Variants in KMT2C observed in about 807,000 individuals in gnomAD.
The protein encoded by KMT2C is lysine methyltransferase 2C.
KMT2C carries 88 observed loss-of-function variants against 507.9 expected under a neutral mutation model. That is an observed-to-expected ratio of 0.17 (90% confidence interval 0.15 to 0.21). The LOEUF is 0.21. KMT2C is among the 10% of genes least tolerant of loss of function. KMT2C has a pLI of 1.00. For synonymous variants in KMT2C, 2,049 were observed against 2,080.8 expected (o/e 0.98, Z 0.42); for missense variants, 4,954 against 5,957.8 (o/e 0.83, Z 5.55).
rs1461082457 is a variant in KMT2C, at chr7:152,205,121, G to A, written c.3946C>T (p.Pro1316Ser). The A allele has an allele frequency of 7.4e-6, 12 of 1,611,520 alleles. No homozygotes were observed. In the Admixed American group the frequency reaches 2.0e-4, roughly 27 times the overall value. Residue 1316 changes from proline (P) to serine (S), a missense_variant, in exon 25 of 59, where the codon CCT becomes TCT. Physicochemically the swap from Pro to Ser is moderately conservative, Grantham distance 74 (BLOSUM62 -1). Coordinates refer to ENST00000262189, the MANE Select transcript of KMT2C (RefSeq NM_170606.3). ...AGTACTATACCATCATCTCTGCAAG[G>A]TAACTGCTCGGAAATAGAGCCTGAG... Reference protein sequence around the residue: ...DSSGSISEQLPCRDDGWSEQL... With the variant: ...DSSGSISEQLSCRDDGWSEQL...
chr7:152,142,492 GGAA>G (rs1324727267), intron 55 of KMT2C, among the ~76,000 whole-genome samples: 3 of 152,196 alleles, frequency 2.0e-5, no homozygotes, highest in African/African-American at 7.2e-5. Context: ...ACATGCTGCA[GGAA>G]GAAGTGTGCA....
rs764681297 is a variant in KMT2C, at chr7:152,181,140, T to G, written c.6720A>C (p.Arg2240Ser). 4 of 1,614,046 alleles carry G rather than the reference T, an allele frequency of 2.5e-6. No homozygotes were observed. The Admixed American group carries it at 6.7e-5, about 27-fold the overall frequency. The change falls in exon 36 of 59, where the codon AGA (arginine) becomes AGC (serine). Residue 2240 changes from arginine (R) to serine (S), a missense_variant. Arg to Ser is a moderately radical substitution (Grantham distance 110). Coordinates refer to ENST00000262189, the MANE Select transcript of KMT2C (RefSeq NM_170606.3). ...GATCCTGATTTGGCATGAGGACTGGTCTTGTCATTGAGGACCTAGTAAAAC... is the reference window on the plus strand; with the variant it reads ...GATCCTGATTTGGCATGAGGACTGGGCTTGTCATTGAGGACCTAGTAAAAC... ...SEGFTRSSMT[R>S]PVLMPNQDPF...
intron 9 of KMT2C, among the ~76,000 whole-genome samples, chr7:152,261,013 G>A (rs2095761187): frequency 2.9e-4 from 1 of 3,470 alleles, no homozygotes; most frequent in African/African-American, 6.3e-4. Flanking sequence ...AAAGTAGAAA[G>A]GAATTATAAG....
intron 1 of KMT2C, among the ~76,000 whole-genome samples, chr7:152,431,603 CA>C (rs71533568): frequency 0.41 from 47,882 of 116,126 alleles, 7,715 homozygotes; most frequent in Middle Eastern, 0.48. Context: ...AAGACTCTGT[CA>C]AAAAAAAAAA....
At chr7:152,347,796 C>A (rs568051968) in intron 2 of KMT2C, among the ~76,000 whole-genome samples, 1 of 152,112 alleles carries the variant, frequency 6.6e-6, no homozygotes, top group South Asian at 2.1e-4. Context: ...TCATGCATAC[C>A]TTTTTCTTAA....
intron 7 of KMT2C, among the ~76,000 whole-genome samples, chr7:152,269,083 T>C (rs557152364): frequency 6.6e-6 from 1 of 152,250 alleles, no homozygotes; most frequent in African/African-American, 2.4e-5. Context: ...AAATTACTTA[T>C]GTTGCTCACA....
intron 42 of KMT2C, among the ~76,000 whole-genome samples, chr7:152,166,672 AAATAAT>A (rs538510579): frequency 2.0e-5 from 3 of 152,282 alleles, no homozygotes; most frequent in African/African-American, 4.8e-5. Flanking sequence ...AAACATTAAG[AAATAAT>A]AATAATATCA....
At chr7:152,166,952 T>G (rs911207655) in intron 42 of KMT2C, among the ~76,000 whole-genome samples, 194 bp downstream of exon 42, 5 of 152,238 alleles carry the variant, frequency 3.3e-5, no homozygotes, top group African/African-American at 1.2e-4. Flanking sequence ...ACCGTCACTT[T>G]AAGTAAAAGA....
intron 31 of KMT2C, among the ~76,000 whole-genome samples, chr7:152,190,794 G>A (rs2093768447): frequency 6.6e-6 from 1 of 151,918 alleles, no homozygotes; most frequent in South Asian, 2.1e-4. Flanking sequence ...ATTACACTTT[G>A]CCTCCCCTTT....
chr7:152,386,734 T>G (rs910303601), intron 1 of KMT2C, among the ~76,000 whole-genome samples: 1 of 152,302 alleles, frequency 6.6e-6, no homozygotes, highest in African/African-American at 2.4e-5. Flanking sequence ...TCGGCCACCA[T>G]AAAGTCAGTA....
intron 4 of KMT2C, chr7:152,312,395 T>C (rs1030198075): frequency 6.6e-6 from 1 of 152,342 alleles, no homozygotes; most frequent in Non-Finnish European, 1.5e-5. Context: ...CAGTTAACTG[T>C]GTAAAGAAAG....
In KMT2C at chr7:152,205,244, A is replaced by C. The variant is rs755717388; in HGVS notation, c.3842-19T>G. The C allele has an allele frequency of 4.4e-6, 7 of 1,606,800 alleles. No individual in the cohort carries two copies. In the Admixed American group the frequency reaches 1.2e-4, roughly 27 times the overall value. The stretch of plus-strand genomic sequence containing the variant: ...CCAATACCTATCCAAAAAAGAAATT[A>C]GGTAAACTGATAAGTAATTTCTCCC... On this transcript the variant is annotated intron_variant, in intron 24 of 58. Coordinates refer to ENST00000262189, the MANE Select transcript of KMT2C (RefSeq NM_170606.3).
At chr7:152,150,627 A>C (rs1012639792) in intron 51 of KMT2C, among the ~76,000 whole-genome samples, 2 of 152,186 alleles carry the variant, frequency 1.3e-5, no homozygotes, top group Admixed American at 6.5e-5. Context: ...AAAAAAATTA[A>C]ACTGGTAAAA....
chr7:152,260,231 T>C (rs1177488589), intron 9 of KMT2C, among the ~76,000 whole-genome samples: 1 of 152,142 alleles, frequency 6.6e-6, no homozygotes, highest in African/African-American at 2.4e-5. Flanking sequence ...AGATTAAGTA[T>C]CCAATAGTAT....
At chr7:152,398,147 C>T (rs948400757) in intron 1 of KMT2C, among the ~76,000 whole-genome samples, 4 of 152,198 alleles carry the variant, frequency 2.6e-5, no homozygotes, top group African/African-American at 9.7e-5. Flanking sequence ...CATAGCACTT[C>T]TCAGTATTTG....
intron 6 of KMT2C, among the ~76,000 whole-genome samples, chr7:152,299,190 C>T (rs1320980800): frequency 1.3e-5 from 2 of 151,844 alleles, no homozygotes; most frequent in Non-Finnish European, 2.9e-5. Flanking sequence ...TGGTGGTGCA[C>T]GTCTGTAATC....
At chr7:152,349,802 T>C (rs1231319702) in intron 2 of KMT2C, among the ~76,000 whole-genome samples, 2 of 152,144 alleles carry the variant, frequency 1.3e-5, no homozygotes, top group Non-Finnish European at 2.9e-5. Flanking sequence ...GGATAATGTG[T>C]CAATGTAGGC....
At chr7:152,316,489 G>T (rs2096724312) in intron 3 of KMT2C, among the ~76,000 whole-genome samples, 1 of 152,110 alleles carries the variant, frequency 6.6e-6, no homozygotes, top group East Asian at 1.9e-4. Context: ...AGAGATCTTA[G>T]AAAGAATGAA....
chr7:152,210,916 G>A (rs185081894), intron 23 of KMT2C, among the ~76,000 whole-genome samples: 6 of 152,260 alleles, frequency 3.9e-5, no homozygotes, highest in Non-Finnish European at 8.8e-5. Context: ...GAAAAACTGA[G>A]TATGTTTCAC....
Sources: allele counts gnomAD v4.1 joint callset (sites outside exome capture counted in the v4.1 genomes callset), GRCh38; gene constraint gnomAD v4.1.1; transcripts MANE v1.5; gene names NCBI Gene and HGNC (gene_info 2026-07-23, HGNC 2026-07-21).